Variants in TMEM132B observed in about 807,000 individuals in gnomAD.
TMEM132B encodes the protein transmembrane protein 132B.
Under a neutral mutation model 90.8 loss-of-function variants are expected in TMEM132B, and 18 were observed. That is an observed-to-expected ratio of 0.20 (90% CI 0.14 to 0.29). TMEM132B has a LOEUF of 0.29. TMEM132B is among the 10% of genes least tolerant of loss of function. The pLI is 1.00. For missense variants in TMEM132B, 1,096 were observed against 1,326.8 expected (o/e 0.83, Z 2.70); for synonymous variants, 504 against 523.3 (o/e 0.96, Z 0.50).
At chr12:125,241,102 A>T (rs940868212) in intron 1 of TMEM132B, among the ~76,000 whole-genome samples, 1 of 152,194 alleles carries the variant, frequency 6.6e-6, no homozygotes, top group South Asian at 2.1e-4. Context: ...TGTCTTTTAA[A>T]TGCATATCGT....
chr12:125,248,517 G>C (rs906563591), intron 1 of TMEM132B, among the ~76,000 whole-genome samples: 1 of 152,130 alleles, frequency 6.6e-6, no homozygotes, highest in Non-Finnish European at 1.5e-5. Context: ...TTTATATAGC[G>C]TTTGATAGAG....
chr12:125,575,057 C>CATATATATATATAT (rs147688714), intron 4 of TMEM132B, among the ~76,000 whole-genome samples: 599 of 43,840 alleles, frequency 0.014, 86 homozygotes, highest in African/African-American at 0.025. Flanking sequence ...TATTAGCTGT[C>CATATATATATATAT]ATATATATAT....
intron 3 of TMEM132B, among the ~76,000 whole-genome samples, chr12:125,446,032 G>A (rs1401125782): frequency 2.0e-5 from 3 of 152,202 alleles, no homozygotes; most frequent in Non-Finnish European, 4.4e-5. Flanking sequence ...CCAGTCTTGG[G>A]GAGGTCTCTC....
intron 1 of TMEM132B, among the ~76,000 whole-genome samples, chr12:125,255,246 TCTCTCTCTCCTC>T (rs1874409045): frequency 6.6e-6 from 1 of 151,480 alleles, no homozygotes. Flanking sequence ...TTCTCTCTCC[TCTCTCTCTCCTC>T]CTCTCTCTCT....
intron 1 of TMEM132B, among the ~76,000 whole-genome samples, chr12:125,337,048 T>G (rs1026810533): frequency 1.3e-5 from 2 of 152,228 alleles, no homozygotes; most frequent in Non-Finnish European, 2.9e-5. Flanking sequence ...TATAATCCAT[T>G]TAATAATGCT....
chr12:125,401,235 A>G (rs1435743913), intron 2 of TMEM132B, among the ~76,000 whole-genome samples: 1 of 152,180 alleles, frequency 6.6e-6, no homozygotes, highest in Non-Finnish European at 1.5e-5. Context: ...AATATTGATT[A>G]AGCTCCTCCC....
At chr12:125,538,840 C>T (rs1220399288) in intron 4 of TMEM132B, among the ~76,000 whole-genome samples, 1 of 152,106 alleles carries the variant, frequency 6.6e-6, no homozygotes, top group African/African-American at 2.4e-5. Flanking sequence ...CCCTGCTGCT[C>T]GGAATAAAAA....
At chr12:125,241,238 G>T (rs1020186804) in intron 1 of TMEM132B, among the ~76,000 whole-genome samples, 2 of 152,126 alleles carry the variant, frequency 1.3e-5, no homozygotes, top group African/African-American at 2.4e-5. Flanking sequence ...ATACAGTGGG[G>T]TATAAAACAG....
chr12:125,241,536 C>T (rs1050219206), intron 1 of TMEM132B, among the ~76,000 whole-genome samples: 1 of 152,148 alleles, frequency 6.6e-6, no homozygotes, highest in African/African-American at 2.4e-5. Context: ...ACTCGTGACT[C>T]GAGATTCCCT....
intron 2 of TMEM132B, among the ~76,000 whole-genome samples, chr12:125,359,649 G>A (rs61943142): frequency 0.075 from 11,442 of 152,238 alleles, 527 homozygotes; most frequent in Admixed American, 0.14. Flanking sequence ...CAGCCAGTTG[G>A]TTTATGAACA....
chr12:125,328,555 C>G (rs1012224628), intron 1 of TMEM132B, among the ~76,000 whole-genome samples: 2 of 152,158 alleles, frequency 1.3e-5, no homozygotes, highest in African/African-American at 4.8e-5. Flanking sequence ...TCTGGTGGCT[C>G]CAGGCATTCC....
rs1052802284 is a variant in TMEM132B at position 125,336,571 on chromosome 12, T to C, written c.68-12881T>C. 5.3e-5 allele frequency among the ~76,000 whole-genome samples: 8 copies of C among 152,226 alleles called. No individual in the cohort carries two copies. The East Asian group carries it at 9.6e-4, about 18-fold the overall frequency. On this transcript the variant is annotated intron_variant, in intron 1 of 8. Transcript: ENST00000682704. ...AAAGAATCATTTTCGATTTCAGTAATGAACAGATGAAGGAGAAACAAGTCT... is the reference window on the plus strand; with the variant it reads ...AAAGAATCATTTTCGATTTCAGTAACGAACAGATGAAGGAGAAACAAGTCT...
intron 3 of TMEM132B, among the ~76,000 whole-genome samples, chr12:125,421,090 C>A (rs1167146450): frequency 3.9e-5 from 6 of 152,232 alleles, no homozygotes; most frequent in African/African-American, 1.4e-4. Context: ...AGCCATTCAA[C>A]AAATCTTTAG....
intron 1 of TMEM132B, among the ~76,000 whole-genome samples, chr12:125,244,289 G>A (rs1874157868): frequency 6.6e-6 from 1 of 152,182 alleles, no homozygotes; most frequent in Non-Finnish European, 1.5e-5. Flanking sequence ...GAATTGCTGG[G>A]TGACAGGGCA....
intron 4 of TMEM132B, among the ~76,000 whole-genome samples, chr12:125,567,936 G>A (rs1884698416): frequency 3.3e-5 from 5 of 152,178 alleles, no homozygotes; most frequent in Admixed American, 2.6e-4. Flanking sequence ...AATGAACAGG[G>A]CCCACCTGGG....
intron 3 of TMEM132B, among the ~76,000 whole-genome samples, chr12:125,429,501 C>A (rs112214910): frequency 6.6e-6 from 1 of 152,014 alleles, no homozygotes; most frequent in African/African-American, 2.4e-5. Context: ...CCACCGTGCC[C>A]GGCCCTAATG....
chr12:125,226,981 C>T lies in TMEM132B; in HGVS notation c.67+40115C>T, dbSNP rs78593812. 9.8e-3 allele frequency among the ~76,000 whole-genome samples: 1,499 copies of T among 152,218 alleles called. 22 individuals are homozygous for T. Among genetic ancestry groups the T allele is most frequent in the African/African-American group, 0.034 (1,407 of 41,516 alleles). On this transcript the variant is annotated intron_variant, in intron 1 of 8. Transcript: ENST00000682704. ...TGTCATAAACTGTTAAGTGCTGTAACGGTGTTAGGTAGCAATAATATTGAA... is the reference window on the plus strand; with the variant it reads ...TGTCATAAACTGTTAAGTGCTGTAATGGTGTTAGGTAGCAATAATATTGAA...
At chr12:125,225,726 A>G (rs914104805) in intron 1 of TMEM132B, among the ~76,000 whole-genome samples, 12 of 152,124 alleles carry the variant, frequency 7.9e-5, no homozygotes, top group African/African-American at 2.4e-4. Flanking sequence ...GGGGCTTGCA[A>G]TTCTGTGCTG....
chr12:125,643,971 G>A, intron 5 of TMEM132B, 105 bp from the exon 6 acceptor site: 1 of 991,346 alleles, frequency 1.0e-6, no homozygotes, highest in East Asian at 2.5e-5. Flanking sequence ...TTGTTTTGGT[G>A]TCTAATAAAT....
Sources: allele counts gnomAD v4.1 joint callset (sites outside exome capture counted in the v4.1 genomes callset), GRCh38; gene constraint gnomAD v4.1.1; transcripts MANE v1.5; gene names NCBI Gene and HGNC (gene_info 2026-07-23, HGNC 2026-07-21).